Variants in SH3RF3 observed in about 807,000 individuals in gnomAD.
SH3RF3 encodes the protein E3 ubiquitin-protein ligase SH3RF3.
Under a neutral mutation model 66.3 loss-of-function variants are expected in SH3RF3, and 29 were observed. The observed-to-expected ratio is 0.44, with a 90% confidence interval of 0.33 to 0.60. The LOEUF (loss-of-function observed/expected upper bound fraction) is 0.60, where lower values mean the gene tolerates loss of function less well. Among genes scored for constraint, SH3RF3 ranks in the 20% least tolerant of loss-of-function variants. The probability of loss-of-function intolerance (pLI) is 0.04; values close to 1 mark genes in which losing one functional copy is unlikely to be tolerated. For missense variants in SH3RF3, 1,194 were observed against 1,190.9 expected (o/e 1.00, Z -0.04); for synonymous variants, 583 against 532.0 (o/e 1.10, Z -1.32).
chr2:109,425,249 A>G (rs1676995669), intron 5 of SH3RF3, among the ~76,000 whole-genome samples: 1 of 152,254 alleles, frequency 6.6e-6, no homozygotes, highest in Admixed American at 6.5e-5. Flanking sequence ...CGTGAGGTTT[A>G]AAGAAAGAAG....
chr2:109,349,033 C>T (rs1682783654), intron 2 of SH3RF3, among the ~76,000 whole-genome samples: 1 of 152,194 alleles, frequency 6.6e-6, no homozygotes, highest in Admixed American at 6.5e-5. Flanking sequence ...CTCTCTCTCT[C>T]TCTCACACAC....
chr2:109,370,428 C>T (rs1683244135), intron 2 of SH3RF3, among the ~76,000 whole-genome samples: 1 of 151,962 alleles, frequency 6.6e-6, no homozygotes, highest in Non-Finnish European at 1.5e-5. Context: ...TTAGTAGAGA[C>T]TGAGTTTCAC....
At chr2:109,426,934 A>C (rs1461291744) in intron 5 of SH3RF3, among the ~76,000 whole-genome samples, 1 of 151,760 alleles carries the variant, frequency 6.6e-6, no homozygotes, top group Non-Finnish European at 1.5e-5. Flanking sequence ...CTGAAGGCTC[A>C]GATGATCATT....
chr2:109,130,316 C>T (rs1186851027), intron 1 of SH3RF3, among the ~76,000 whole-genome samples: 1 of 152,212 alleles, frequency 6.6e-6, no homozygotes, highest in African/African-American at 2.4e-5. Context: ...CACGTGTGTC[C>T]CATCCTCCTG....
At chr2:109,340,707 T>C (rs1432546024) in intron 1 of SH3RF3, among the ~76,000 whole-genome samples, 1 of 152,206 alleles carries the variant, frequency 6.6e-6, no homozygotes, top group Non-Finnish European at 1.5e-5. Flanking sequence ...CACAAAGCTC[T>C]TTTCGTATCA....
At chr2:109,456,532 C>T (rs1181236788) in intron 8 of SH3RF3, among the ~76,000 whole-genome samples, 1 of 152,190 alleles carries the variant, frequency 6.6e-6, no homozygotes, top group African/African-American at 2.4e-5. Flanking sequence ...TGGGGCAGGG[C>T]AGTGGCCCAG....
At chr2:109,335,776 T>C (rs1173752243) in intron 1 of SH3RF3, among the ~76,000 whole-genome samples, 1 of 152,202 alleles carries the variant, frequency 6.6e-6, no homozygotes, top group Non-Finnish European at 1.5e-5. Flanking sequence ...GCTGACTAAC[T>C]GCATAAATGT....
chr2:109,503,986 G>A lies in SH3RF3; in HGVS notation c.*2315G>A, dbSNP rs1679464362. On this transcript the variant is annotated 3_prime_UTR_variant, in exon 10 of 10. Coordinates refer to ENST00000309415, the MANE Select transcript of SH3RF3 (RefSeq NM_001099289.3). The stretch of plus-strand genomic sequence containing the variant: ...CGTTGGTGCCACCTTAGGAAGGAGA[G>A]CGATGCGTGGGTCTGGCCAGAGCTC... 1 of 152,246 alleles carries A rather than the reference G, an allele frequency of 6.6e-6. No individual in the cohort carries two copies. Among genetic ancestry groups the A allele is most frequent in the South Asian group, 2.1e-4 (1 of 4,830 alleles). The allele number at this position is 152,246 out of a possible 1,614,324, so 9.4% of individuals were successfully genotyped here.
At chr2:109,466,961 A>C (rs980991580) in intron 8 of SH3RF3, among the ~76,000 whole-genome samples, 1 of 152,182 alleles carries the variant, frequency 6.6e-6, no homozygotes, top group Non-Finnish European at 1.5e-5. Flanking sequence ...ATCTGTGTGC[A>C]TGTGTGTGTA....
At chr2:109,445,252 A>T (rs1267190985) in intron 7 of SH3RF3, among the ~76,000 whole-genome samples, 1 of 152,240 alleles carries the variant, frequency 6.6e-6, no homozygotes, top group Non-Finnish European at 1.5e-5. Flanking sequence ...AAGAGATGGG[A>T]CAGAGAGAAG....
chr2:109,275,096 A>T (rs1342183762), intron 1 of SH3RF3, among the ~76,000 whole-genome samples: 3 of 152,202 alleles, frequency 2.0e-5, no homozygotes, highest in African/African-American at 7.2e-5. Context: ...TTAAAAAAAA[A>T]GAAAATGTGT....
intron 1 of SH3RF3, among the ~76,000 whole-genome samples, chr2:109,273,378 T>A (rs1246651684): frequency 6.6e-6 from 1 of 152,106 alleles, no homozygotes; most frequent in Non-Finnish European, 1.5e-5. Flanking sequence ...CCTTAACGCA[T>A]GGATGAGGGG....
intron 1 of SH3RF3, among the ~76,000 whole-genome samples, chr2:109,217,945 T>A (rs1394850109): frequency 6.6e-6 from 1 of 152,162 alleles, no homozygotes; most frequent in Non-Finnish European, 1.5e-5. Context: ...GCCAGGACCT[T>A]TCCCTCGAGG....
chr2:109,387,040 A>G (rs1675840928), intron 3 of SH3RF3, among the ~76,000 whole-genome samples: 2 of 152,242 alleles, frequency 1.3e-5, no homozygotes, highest in East Asian at 3.8e-4. Context: ...AAAGAAGAAA[A>G]TTAAAATCAC....
chr2:109,501,755 C>T lies in SH3RF3; in HGVS notation c.*84C>T. ...GCACACAGAGAGGGAGCCATGGCGCCCCAAGGGTTCCAGGTCATCTCCAAG... is the reference window on the plus strand; with the variant it reads ...GCACACAGAGAGGGAGCCATGGCGCTCCAAGGGTTCCAGGTCATCTCCAAG... On this transcript the variant is annotated 3_prime_UTR_variant, in exon 10 of 10. Coordinates refer to ENST00000309415, the MANE Select transcript of SH3RF3 (RefSeq NM_001099289.3). The T allele has an allele frequency of 1.5e-6, 1 of 669,246 alleles. No homozygotes were observed. The highest frequency in any genetic ancestry group is 1.6e-5 in the South Asian group (1 of 61,380). The allele number at this position is 669,246 out of a possible 1,614,324, so 41.5% of individuals were successfully genotyped here. A position where few individuals can be genotyped will look rare whatever the true frequency, so the allele number is the denominator to read the frequency against.
chr2:109,277,202 A>G (rs1680777265), intron 1 of SH3RF3, among the ~76,000 whole-genome samples: 4 of 152,128 alleles, frequency 2.6e-5, no homozygotes. Flanking sequence ...TTTCAGTCGC[A>G]TCTGTGCCTG....
intron 2 of SH3RF3, among the ~76,000 whole-genome samples, chr2:109,360,417 G>C (rs531229103): frequency 1.3e-5 from 2 of 152,218 alleles, no homozygotes; most frequent in Non-Finnish European, 2.9e-5. Context: ...CACAAACTTT[G>C]TTTCATGCAC....
intron 1 of SH3RF3, among the ~76,000 whole-genome samples, chr2:109,316,009 CAG>C (rs1312819839): frequency 6.6e-6 from 1 of 152,190 alleles, no homozygotes; most frequent in Non-Finnish European, 1.5e-5. Flanking sequence ...GTGCATGCAT[CAG>C]GGGCTTTTTT....
At chr2:109,484,308 C>G (rs187407132) in intron 8 of SH3RF3, among the ~76,000 whole-genome samples, 3 of 152,226 alleles carry the variant, frequency 2.0e-5, no homozygotes, top group South Asian at 2.1e-4. Context: ...CTGAGGTGAT[C>G]CGTCCACCTT....
Sources: gnomAD v4.1 joint callset for allele counts (sites outside exome capture counted in the v4.1 genomes callset) on GRCh38, gnomAD v4.1.1 for gene constraint, MANE v1.5 for transcripts, NCBI Gene and HGNC (gene_info 2026-07-23, HGNC 2026-07-21) for gene names.